The following ACSL5 variants were observed in gnomAD, a reference collection of about 807,000 sequenced individuals.
The protein encoded by ACSL5 is long-chain-fatty-acid--CoA ligase 5.
ACSL5 carries 50 observed loss-of-function variants against 84.9 expected under a neutral mutation model. The ratio of observed to expected loss-of-function variants is 0.59; its 90% CI spans 0.47 to 0.75. ACSL5 has a LOEUF of 0.75. Among genes scored for constraint, ACSL5 ranks in the 30% least tolerant of loss-of-function variants. ACSL5 has a pLI of 0.00. For synonymous variants in ACSL5, 280 were observed against 300.7 expected, an observed-to-expected ratio of 0.93 and a Z score of 0.71; for missense variants, 775 against 830.4, an observed-to-expected ratio of 0.93 and a Z score of 0.82.
chr10:112,426,514 TAA>T (rs1589706202), intron 19 of ACSL5, 155 bp downstream of exon 19: 1 of 644,356 alleles, frequency 1.6e-6, no homozygotes, highest in Non-Finnish European at 2.7e-6. Flanking sequence ...GTTTAAAAAA[TAA>T]AACTCTCTTT....
chr10:112,420,698 T>C (rs1341793057), intron 14 of ACSL5, among the ~76,000 whole-genome samples: 1 of 152,190 alleles, frequency 6.6e-6, no homozygotes, highest in African/African-American at 2.4e-5. Flanking sequence ...CTTGAAATGC[T>C]GCATTTTCTT....
At chr10:112,406,339 G>T (rs976696006) in intron 5 of ACSL5, 1 of 152,068 alleles carries the variant, frequency 6.6e-6, no homozygotes. Context: ...TATCCCTCAT[G>T]ACCGTTCTTC....
At chr10:112,376,464 A>T in intron 1 of ACSL5, 7 of 1,613,930 alleles carry the variant, frequency 4.3e-6, no homozygotes, top group Non-Finnish European at 5.9e-6. Context: ...GGGACCATCG[A>T]GGGGGTGTTA....
At chr10:112,394,702 G>T in intron 1 of ACSL5, 1 of 977,744 alleles carries the variant, frequency 1.0e-6, no homozygotes, top group Non-Finnish European at 1.2e-6. Context: ...TCAAGTAGCA[G>T]AGGTGGAGAA....
chr10:112,423,231 T>A (rs1844544904), intron 17 of ACSL5, among the ~76,000 whole-genome samples: 2 of 90,562 alleles, frequency 2.2e-5, no homozygotes, highest in Non-Finnish European at 4.3e-5. Context: ...AATATATATA[T>A]ATATATATAT....
intron 1 of ACSL5, among the ~76,000 whole-genome samples, chr10:112,381,155 C>A (rs1411804239): frequency 6.6e-6 from 1 of 152,120 alleles, no homozygotes; most frequent in African/African-American, 2.4e-5. Context: ...TTCTAGTGTT[C>A]CATACAGCCG....
intron 1 of ACSL5, 187 bp from the exon 2 acceptor site, chr10:112,394,731 A>C: frequency 8.1e-6 from 8 of 984,734 alleles, no homozygotes; most frequent in Non-Finnish European, 7.2e-6. Context: ...ATTATTTTCA[A>C]CAGTGCTAAG....
chr10:112,403,474 C>T (rs1026122822), intron 3 of ACSL5, among the ~76,000 whole-genome samples: 5 of 152,116 alleles, frequency 3.3e-5, no homozygotes, highest in Admixed American at 6.6e-5. Context: ...TTAGTAGAGA[C>T]GGGGTTTCTC....
chr10:112,388,865 G>C (rs1849504174), intron 1 of ACSL5, among the ~76,000 whole-genome samples: 1 of 152,188 alleles, frequency 6.6e-6, no homozygotes, highest in Non-Finnish European at 1.5e-5. Context: ...AACCATTTCA[G>C]ATCTGGGGAA....
chr10:112,409,794 G>A (rs7919710), intron 7 of ACSL5, 109 bp downstream of exon 7: 328,045 of 1,090,016 alleles, frequency 0.3, 50,906 homozygotes, highest in African/African-American at 0.47. Context: ...GGGGTGGCAC[G>A]TGAGGAGTAG....
intron 17 of ACSL5, among the ~76,000 whole-genome samples, chr10:112,423,187 CAAAAAAAAAAAAAAAAAA>C (rs1163487735): frequency 6.0e-5 from 1 of 16,564 alleles, no homozygotes; most frequent in Non-Finnish European, 9.1e-5. Context: ...GTCTCTGTCT[CAAAAAAAAAAAAAAAAAA>C]AAAAAAAAAA....
chr10:112,414,089 G>A (rs1439425562), intron 12 of ACSL5, among the ~76,000 whole-genome samples: 1 of 152,164 alleles, frequency 6.6e-6, no homozygotes, highest in Non-Finnish European at 1.5e-5. Context: ...CAGTAGTCAT[G>A]TCGGCTAGTC....
intron 6 of ACSL5, 32 bp from the exon 7 acceptor site, chr10:112,409,475 G>A: frequency 6.2e-7 from 1 of 1,606,634 alleles, no homozygotes; most frequent in Non-Finnish European, 8.5e-7. Flanking sequence ...GCAGAGAGAG[G>A]GAATGACCTC....
In ACSL5 at chr10:112,426,346, T is replaced by C; in HGVS notation, c.1826T>C (p.Leu609Pro). 6.2e-7 allele frequency: 1 copy of C among 1,614,096 alleles called. No homozygotes were observed. The highest frequency in any genetic ancestry group is 1.1e-5 in the South Asian group (1 of 91,082). ...GGGGTGAAGGGCTCCTTTGAGGAAC[T>C]GTGCCAAAACCAAGTAAGTCTTGCC... ...KLGVKGSFEE[L>P]CQNQVVREAI... The change falls in exon 19 of 21, where the codon CTG becomes CCG. Residue 609 changes from leucine (L) to proline (P), a missense_variant. Coordinates refer to ENST00000354655, the MANE Select transcript of ACSL5 (RefSeq NM_203379.2).
intron 16 of ACSL5, 125 bp from the exon 17 acceptor site, chr10:112,422,200 C>G (rs1844480945): frequency 1.9e-6 from 2 of 1,073,678 alleles, no homozygotes; most frequent in Non-Finnish European, 2.8e-6. Flanking sequence ...AGACTTAGAT[C>G]TGGTGCTCTT....
rs1213598820 is a variant in ACSL5, at chr10:112,424,509, C to T, written c.1594-829C>T. On this transcript the variant is annotated intron_variant, in intron 17 of 20. Coordinates refer to ENST00000354655, the MANE Select transcript of ACSL5 (RefSeq NM_203379.2). ...TCTGTCTAGTAACAGAATTAAATAA[C>T]ACTCTAATAAGCCTAGGATGTAAGC... The T allele has an allele frequency of 1.3e-5, 2 of 152,184 alleles. 1 individual carries two copies. The highest frequency in any genetic ancestry group is 4.8e-5 in the African/African-American group (2 of 41,444). 9.4% of individuals were successfully genotyped at this position (152,184 alleles called of 1,614,324 possible). A position where few individuals can be genotyped will look rare whatever the true frequency, so the allele number is the denominator to read the frequency against.
chr10:112,411,272 G>GT, intron 9 of ACSL5, 184 bp from the exon 10 acceptor site: 1 of 594,276 alleles, frequency 1.7e-6, no homozygotes, highest in East Asian at 2.8e-5. Flanking sequence ...GCATTCAGCA[G>GT]TAGAATCTCC....
Position 112,408,421 on chromosome 10 carries a change from G to A in ACSL5, c.433-1G>A, listed in dbSNP as rs1385382404. 1 of 1,603,468 alleles carries A rather than the reference G, an allele frequency of 6.2e-7. No individual in the cohort carries two copies. The highest frequency in any genetic ancestry group is 1.7e-4 in the Middle Eastern group (1 of 6,044). On this transcript the variant is annotated splice_acceptor_variant, in intron 5 of 20. Coordinates refer to ENST00000354655, the MANE Select transcript of ACSL5 (RefSeq NM_203379.2). LOFTEE classifies it high-confidence loss of function. ...CCTTACTTGAACTTCTCTCTGTACA[G>A]TGGATCATCTCCGAATTGGCTTGTT...
chr10:112,401,947 TTCTCTCTC>T (rs57651640), intron 3 of ACSL5, among the ~76,000 whole-genome samples: 6 of 140,372 alleles, frequency 4.3e-5, no homozygotes, highest in Admixed American at 3.0e-4. Flanking sequence ...TTCTCTTTCT[TTCTCTCTC>T]TCTCTCTCTC....
Sources: gnomAD v4.1 joint callset for allele counts (sites outside exome capture counted in the v4.1 genomes callset) on GRCh38, gnomAD v4.1.1 for gene constraint, MANE v1.5 for transcripts, NCBI Gene and HGNC (gene_info 2026-07-23, HGNC 2026-07-21) for gene names.